ERC1: variants seen among roughly 807,000 people sequenced by gnomAD.
The protein encoded by ERC1 is ELKS/RAB6-interacting/CAST family member 1.
ERC1 carries 56 observed loss-of-function variants against 132.0 expected under a neutral mutation model. The observed-to-expected ratio is 0.42, with a 90% CI of 0.34 to 0.53. The LOEUF (loss-of-function observed/expected upper bound fraction) is 0.53, where lower values mean the gene tolerates loss of function less well. Among genes scored for constraint, ERC1 ranks in the 20% least tolerant of loss-of-function variants. The probability of loss-of-function intolerance (pLI) is 0.03; values close to 1 mark genes in which losing one functional copy is unlikely to be tolerated. For synonymous variants in ERC1, 478 were observed against 476.1 expected, an observed-to-expected ratio of 1.00 and a Z score of -0.05; for missense variants, 1,202 against 1,349.9, an observed-to-expected ratio of 0.89 and a Z score of 1.72.
At position 1,440,632 on chromosome 12, in the gene ERC1, G is replaced by T. The variant is rs1454249197; in HGVS notation, c.3025-3930G>T. ...TGTGTGTGTGTGTGTGTGTGTGTGT[G>T]TGTGTGTGTGTGTGTGTGTGTGTGT... On this transcript the variant is annotated intron_variant, in intron 17 of 18. Coordinates refer to ENST00000360905, the MANE Select transcript of ERC1 (RefSeq NM_178040.4). Among the ~76,000 whole-genome samples the T allele has an allele frequency of 5.2e-4, 63 of 120,048 alleles. 1 individual carries two copies. The highest frequency in any genetic ancestry group is 2.3e-3 in the African/African-American group (59 of 25,904). 78.8% of individuals were successfully genotyped at this position (120,048 alleles called of 152,430 possible).
At chr12:1,393,247 G>C (rs1256593064) in intron 16 of ERC1, among the ~76,000 whole-genome samples, 8 of 152,224 alleles carry the variant, frequency 5.3e-5, no homozygotes, top group African/African-American at 1.9e-4. Context: ...AAGAACTTTG[G>C]CTGGGTGTGG....
chr12:1,485,296 C>T (rs2094192704), intron 18 of ERC1, among the ~76,000 whole-genome samples: 1 of 150,600 alleles, frequency 6.6e-6, no homozygotes, highest in Admixed American at 6.6e-5. Context: ...CCTCCACCTC[C>T]TGGATTCAAG....
intron 12 of ERC1, among the ~76,000 whole-genome samples, chr12:1,214,543 T>G (rs182090878): frequency 2.7e-4 from 41 of 152,258 alleles, no homozygotes; most frequent in African/African-American, 9.9e-4. Context: ...CCTCCCGGCC[T>G]CCCCTCAAAG....
chr12:1,470,946 C>A (rs2093848032), intron 18 of ERC1, among the ~76,000 whole-genome samples: 1 of 152,202 alleles, frequency 6.6e-6, no homozygotes, highest in Non-Finnish European at 1.5e-5. Flanking sequence ...CATTTCTATA[C>A]AAGAGATGGT....
intron 16 of ERC1, among the ~76,000 whole-genome samples, chr12:1,392,006 T>A (rs1479426059): frequency 6.6e-6 from 1 of 152,092 alleles, no homozygotes; most frequent in Non-Finnish European, 1.5e-5. Flanking sequence ...TTATACTTAG[T>A]GTGCTGGAGA....
intron 2 of ERC1, among the ~76,000 whole-genome samples, chr12:1,068,018 A>G (rs33999413): frequency 0.27 from 38,119 of 142,268 alleles, 5,486 homozygotes; most frequent in Middle Eastern, 0.4. Flanking sequence ...TGCAGCATCC[A>G]CCTCCCGAGT....
At chr12:1,480,232 A>G (rs2094061255) in intron 18 of ERC1, among the ~76,000 whole-genome samples, 1 of 152,196 alleles carries the variant, frequency 6.6e-6, no homozygotes, top group African/African-American at 2.4e-5. Flanking sequence ...GGCTGGCAGA[A>G]TTCATGGGAG....
At chr12:1,066,118 A>C (rs1213464132) in intron 2 of ERC1, among the ~76,000 whole-genome samples, 2 of 152,248 alleles carry the variant, frequency 1.3e-5, no homozygotes, top group African/African-American at 4.8e-5. Flanking sequence ...CTGTGAACGT[A>C]CTAAATGTTA....
chr12:1,485,898 T>C (rs1445679548), intron 18 of ERC1, among the ~76,000 whole-genome samples: 3 of 152,246 alleles, frequency 2.0e-5, no homozygotes, highest in East Asian at 3.8e-4. Flanking sequence ...AAATTTACTT[T>C]CAGTGTTTTC....
intron 7 of ERC1, among the ~76,000 whole-genome samples, chr12:1,117,916 A>G (rs1946627324): frequency 6.6e-6 from 1 of 152,184 alleles, no homozygotes; most frequent in Non-Finnish European, 1.5e-5. Flanking sequence ...TTATTCATTT[A>G]TAGCTTTATT....
At chr12:1,204,671 G>A (rs1336185607) in intron 12 of ERC1, among the ~76,000 whole-genome samples, 3 of 152,174 alleles carry the variant, frequency 2.0e-5, no homozygotes, top group Non-Finnish European at 4.4e-5. Flanking sequence ...TATCAGAAGA[G>A]TGTGTTCAGA....
intron 12 of ERC1, among the ~76,000 whole-genome samples, chr12:1,222,125 T>C (rs768252202): frequency 6.6e-6 from 1 of 152,246 alleles, no homozygotes; most frequent in Middle Eastern, 3.4e-3. Context: ...AACAATCCAG[T>C]ATTATAATCT....
intron 16 of ERC1, among the ~76,000 whole-genome samples, chr12:1,375,328 G>A (rs1394433588): frequency 6.6e-6 from 1 of 152,130 alleles, no homozygotes; most frequent in East Asian, 1.9e-4. Context: ...GATCTTGTGA[G>A]AACTCACTAT....
intron 8 of ERC1, among the ~76,000 whole-genome samples, chr12:1,171,072 T>C (rs1953005969): frequency 6.6e-6 from 1 of 152,160 alleles, no homozygotes; most frequent in African/African-American, 2.4e-5. Flanking sequence ...AACTAGTCAT[T>C]CATTGCAATA....
intron 4 of ERC1, among the ~76,000 whole-genome samples, chr12:1,105,443 C>T (rs962154224): frequency 3.9e-5 from 6 of 151,982 alleles, no homozygotes; most frequent in Admixed American, 1.3e-4. Flanking sequence ...CTGCAAGCTC[C>T]GTCTCCCGGG....
chr12:1,470,934 G>A (rs2093847774), intron 18 of ERC1, among the ~76,000 whole-genome samples: 1 of 152,166 alleles, frequency 6.6e-6, no homozygotes, highest in Admixed American at 6.5e-5. Context: ...GTGTTCCAGG[G>A]ACATTTCTAT....
intron 1 of ERC1, among the ~76,000 whole-genome samples, chr12:993,101 A>G (rs1247533902): frequency 6.6e-6 from 1 of 152,242 alleles, no homozygotes; most frequent in Non-Finnish European, 1.5e-5. Context: ...ACAGGACATA[A>G]TAGGTATTAA....
intron 18 of ERC1, among the ~76,000 whole-genome samples, chr12:1,487,317 A>G (rs2154434036): frequency 6.7e-6 from 1 of 149,496 alleles, no homozygotes; most frequent in African/African-American, 2.5e-5. Flanking sequence ...GACTCAGAGC[A>G]TCTAGATTCT....
intron 15 of ERC1, among the ~76,000 whole-genome samples, chr12:1,354,715 G>T (rs2085358494): frequency 6.6e-6 from 1 of 152,168 alleles, no homozygotes; most frequent in Non-Finnish European, 1.5e-5. Flanking sequence ...CCGAAGCGCA[G>T]TGTCGGCTCA....
Sources: allele counts gnomAD v4.1 joint callset (sites outside exome capture counted in the v4.1 genomes callset), GRCh38; gene constraint gnomAD v4.1.1; transcripts MANE v1.5; gene names NCBI Gene and HGNC (gene_info 2026-07-23, HGNC 2026-07-21).